The following SGCZ variants were observed in gnomAD, a reference collection of about 807,000 sequenced individuals.
The protein encoded by SGCZ is sarcoglycan zeta, also known as zeta-sarcoglycan.
In SGCZ, 40 loss-of-function variants were observed where a neutral mutation model predicts 41.3. That is an observed-to-expected ratio of 0.97 (90% confidence interval 0.75 to 1.26). The LOEUF is 1.26. SGCZ is among the 50% of genes most tolerant of loss of function. The pLI is 0.00. For missense variants in SGCZ, 552 were observed against 369.8 expected (o/e 1.49, Z -4.04); for synonymous variants, 206 against 137.5 (o/e 1.50, Z -3.49).
chr8:14,740,895 G>C lies in SGCZ; in HGVS notation c.40-185969C>G, dbSNP rs2244212. Among the ~76,000 whole-genome samples the C allele has an allele frequency of 1.5e-3, 232 of 151,784 alleles. 2 individuals are homozygous for C. The highest frequency in any genetic ancestry group is 5.4e-3 in the African/African-American group (222 of 41,422). ...ACATACAGTTGTTGGAGGTTTCTTCGCCAGCACCCTTAAGATGACATGGAT... is the reference window on the plus strand; with the variant it reads ...ACATACAGTTGTTGGAGGTTTCTTCCCCAGCACCCTTAAGATGACATGGAT... On this transcript the variant is annotated intron_variant, in intron 1 of 7. Coordinates refer to ENST00000382080, the MANE Select transcript of SGCZ (RefSeq NM_139167.4).
At chr8:14,469,330 C>T (rs1441902790) in intron 2 of SGCZ, among the ~76,000 whole-genome samples, 1 of 152,036 alleles carries the variant, frequency 6.6e-6, no homozygotes, top group Non-Finnish European at 1.5e-5. Flanking sequence ...TCAGATATGA[C>T]CTTAAATACA....
chr8:14,340,494 G>T (rs1328381160), intron 2 of SGCZ, among the ~76,000 whole-genome samples: 1 of 152,004 alleles, frequency 6.6e-6, no homozygotes, highest in Non-Finnish European at 1.5e-5. Context: ...TATCCCTGTG[G>T]TCTTATTTTA....
At chr8:15,015,545 A>G (rs1406767401) in intron 1 of SGCZ, among the ~76,000 whole-genome samples, 1 of 151,346 alleles carries the variant, frequency 6.6e-6, no homozygotes, top group Non-Finnish European at 1.5e-5. Flanking sequence ...AAATTAGGCG[A>G]GTGTGATGGC....
intron 2 of SGCZ, among the ~76,000 whole-genome samples, chr8:14,448,407 T>C (rs1254815568): frequency 6.6e-6 from 1 of 152,188 alleles, no homozygotes; most frequent in Non-Finnish European, 1.5e-5. Context: ...ATGCACCAGT[T>C]AGATAATACA....
At position 14,100,181 on chromosome 8, in the gene SGCZ, T is replaced by TA. The variant is rs989049894; in HGVS notation, c.744+2194dup. On this transcript the variant is annotated intron_variant, in intron 7 of 7. Transcript: ENST00000382080. ...TTTCTGTACTTTTATTTTGTTACTA[T>TA]AAAAAAAAACCACAGATGAAAACCT... Among the ~76,000 whole-genome samples, 229 of 150,884 alleles carry TA rather than the reference T, an allele frequency of 1.5e-3. 1 individual carries two copies. Among genetic ancestry groups the TA allele is most frequent in the Middle Eastern group, 3.4e-3 (1 of 292 alleles).
chr8:14,991,829 A>G lies in SGCZ; in HGVS notation c.39+245756T>C, dbSNP rs982981688. Among the ~76,000 whole-genome samples, 8 of 150,190 alleles carry G rather than the reference A, an allele frequency of 5.3e-5. No homozygotes were observed. The East Asian group carries it at 1.6e-3, about 30-fold the overall frequency. ...TGTTTACCTCTCACCCATCGTCCTCATCTAATCGACACACAAATCTACCCC... is the reference window on the plus strand; with the variant it reads ...TGTTTACCTCTCACCCATCGTCCTCGTCTAATCGACACACAAATCTACCCC... On this transcript the variant is annotated intron_variant, in intron 1 of 7. Transcript: ENST00000382080.
At chr8:14,111,063 C>T (rs538575664) in intron 5 of SGCZ, among the ~76,000 whole-genome samples, 8 of 129,294 alleles carry the variant, frequency 6.2e-5, no homozygotes, top group African/African-American at 2.4e-4. Flanking sequence ...AAAATAATAA[C>T]AACAACAACA....
chr8:14,706,335 T>C (rs1019956247), intron 1 of SGCZ, among the ~76,000 whole-genome samples: 2 of 152,134 alleles, frequency 1.3e-5, no homozygotes, highest in African/African-American at 4.8e-5. Flanking sequence ...GACAATTGTG[T>C]TTTATGTGAA....
intron 1 of SGCZ, among the ~76,000 whole-genome samples, chr8:15,129,314 T>C (rs1456553777): frequency 6.6e-6 from 1 of 152,180 alleles, no homozygotes; most frequent in Non-Finnish European, 1.5e-5. Flanking sequence ...CCAATCTTTC[T>C]TTCAAAGCTT....
chr8:14,476,946 A>G (rs1194118123), intron 2 of SGCZ, among the ~76,000 whole-genome samples: 1 of 152,224 alleles, frequency 6.6e-6, no homozygotes, highest in South Asian at 2.1e-4. Context: ...TCCAAAAGGT[A>G]CAAAAGCAGG....
intron 1 of SGCZ, among the ~76,000 whole-genome samples, chr8:15,017,644 C>T (rs1297776496): frequency 6.6e-6 from 1 of 151,972 alleles, no homozygotes; most frequent in African/African-American, 2.4e-5. Flanking sequence ...TAGCTGGGAC[C>T]ACAGGCTCAC....
Position 14,407,413 on chromosome 8 carries a change from G to C in SGCZ, c.235-83209C>G, listed in dbSNP as rs530328841. Among the ~76,000 whole-genome samples the C allele has an allele frequency of 3.9e-4, 59 of 152,104 alleles. 1 individual carries two copies. The highest frequency in any genetic ancestry group is 1.4e-3 in the African/African-American group (58 of 41,504). On this transcript the variant is annotated intron_variant, in intron 2 of 7. Coordinates refer to ENST00000382080, the MANE Select transcript of SGCZ (RefSeq NM_139167.4). ...ACTGAGTTTCAGAAAATTTTAAGGT[G>C]GTTGCTAAACATCATCCACCTATGT... is the stretch of plus-strand genomic sequence containing the variant.
chr8:14,820,075 G>A (rs1802028343), intron 1 of SGCZ, among the ~76,000 whole-genome samples: 3 of 151,734 alleles, frequency 2.0e-5, no homozygotes, highest in South Asian at 2.1e-4. Flanking sequence ...AAGGTATAGA[G>A]TGGCTAAATG....
chr8:14,209,733 G>A (rs1805737614), intron 4 of SGCZ, among the ~76,000 whole-genome samples: 1 of 152,042 alleles, frequency 6.6e-6, no homozygotes, highest in African/African-American at 2.4e-5. Context: ...AACTGGATAT[G>A]TATATATCAA....
In SGCZ at chr8:14,136,710, C is replaced by A. The variant is rs185235909; in HGVS notation, c.547+27870G>T. On this transcript the variant is annotated intron_variant, in intron 5 of 7. Coordinates refer to ENST00000382080, the MANE Select transcript of SGCZ (RefSeq NM_139167.4). The stretch of plus-strand genomic sequence containing the variant: ...GGCCTGCCTGCCTCCATAGACTCCA[C>A]CTCTGGGGGCAGGACATAGCTGAAC... Among the ~76,000 whole-genome samples, 894 of 152,308 alleles carry A rather than the reference C, an allele frequency of 5.9e-3. 5 individuals are homozygous for A. Among genetic ancestry groups the A allele is most frequent in the African/African-American group, 0.02 (850 of 41,570 alleles).
chr8:14,129,375 C>G (rs1415304138), intron 5 of SGCZ, among the ~76,000 whole-genome samples: 1 of 117,388 alleles, frequency 8.5e-6, no homozygotes, highest in Non-Finnish European at 1.8e-5. Flanking sequence ...AAAAAAAAAT[C>G]TGCTCTTGTA....
At chr8:15,117,462 T>C (rs1807314239) in intron 1 of SGCZ, among the ~76,000 whole-genome samples, 1 of 152,148 alleles carries the variant, frequency 6.6e-6, no homozygotes, top group Non-Finnish European at 1.5e-5. Context: ...AATTTACAAA[T>C]CCATTGTGGC....
Position 15,233,205 on chromosome 8 carries a change from T to C in SGCZ, c.39+4380A>G, listed in dbSNP as rs903314052. On this transcript the variant is annotated intron_variant, in intron 1 of 7. Coordinates refer to ENST00000382080, the MANE Select transcript of SGCZ (RefSeq NM_139167.4). ...TAAAAATATGCCATTTGTTAGAGAG[T>C]ACTATTTTTCACTATAGAATGACTA... is the stretch of plus-strand genomic sequence containing the variant. Among the ~76,000 whole-genome samples the C allele has an allele frequency of 2.6e-5, 4 of 151,354 alleles. No homozygotes were observed. In the East Asian group the frequency reaches 7.7e-4, roughly 29 times the overall value.
intron 6 of SGCZ, among the ~76,000 whole-genome samples, 162 bp from the exon 7 acceptor site, chr8:14,102,661 A>ATGAG (rs1430021994): frequency 6.6e-6 from 1 of 152,206 alleles, no homozygotes. Context: ...CAAAGCCAGA[A>ATGAG]TGAGTTTCAG....
Sources: gnomAD v4.1 joint callset for allele counts (sites outside exome capture counted in the v4.1 genomes callset) on GRCh38, gnomAD v4.1.1 for gene constraint, MANE v1.5 for transcripts, NCBI Gene and HGNC (gene_info 2026-07-23, HGNC 2026-07-21) for gene names.